The following RPH3AL variants were observed in gnomAD, a reference collection of about 807,000 sequenced individuals.
RPH3AL encodes rab effector Noc2.
Under a neutral mutation model 43.1 loss-of-function variants are expected in RPH3AL, and 38 were observed. The ratio of observed to expected loss-of-function variants is 0.88; its 90% CI spans 0.68 to 1.15. The LOEUF is 1.15. RPH3AL is among the 50% of genes most tolerant of loss of function. The pLI is 0.00. For missense variants in RPH3AL, 462 were observed against 423.2 expected, an observed-to-expected ratio of 1.09 and a Z score of -0.81; for synonymous variants, 189 against 176.3, an observed-to-expected ratio of 1.07 and a Z score of -0.57.
chr17:243,441 CCTTCCTCTATTGATTA>C (rs2041637904), intron 7 of RPH3AL, among the ~76,000 whole-genome samples: 2 of 139,646 alleles, frequency 1.4e-5, no homozygotes, highest in African/African-American at 5.4e-5. Flanking sequence ...CTATTGATTA[CCTTCCTCTATTGATTA>C]CCTTCCTCTA....
intron 1 of RPH3AL, among the ~76,000 whole-genome samples, chr17:350,923 C>T (rs550840684): frequency 6.6e-6 from 1 of 152,310 alleles, no homozygotes; most frequent in Admixed American, 6.5e-5. Flanking sequence ...GCACCCACTT[C>T]CCCGACAACA....
intron 6 of RPH3AL, among the ~76,000 whole-genome samples, chr17:265,861 G>C (rs2042307535): frequency 6.6e-6 from 1 of 152,182 alleles, no homozygotes; most frequent in South Asian, 2.1e-4. Context: ...CCTTGTGAGT[G>C]TTCACGCCTC....
chr17:253,776 C>G (rs868992664), intron 6 of RPH3AL, among the ~76,000 whole-genome samples: 3 of 72,092 alleles, frequency 4.2e-5, no homozygotes, highest in African/African-American at 1.4e-4. Flanking sequence ...TGAGGGGAGC[C>G]GCACGGCGTC....
At chr17:240,930 G>C (rs527802735) in intron 7 of RPH3AL, among the ~76,000 whole-genome samples, 1 of 151,908 alleles carries the variant, frequency 6.6e-6, no homozygotes, top group African/African-American at 2.4e-5. Flanking sequence ...TGTAGCGGGC[G>C]CCTGTAGTCC....
intron 7 of RPH3AL, among the ~76,000 whole-genome samples, chr17:237,237 A>G (rs1430960653): frequency 2.6e-5 from 4 of 152,232 alleles, no homozygotes; most frequent in African/African-American, 7.2e-5. Context: ...CACAGTTTGG[A>G]ATTTGTAAAA....
intron 6 of RPH3AL, chr17:261,593 C>T (rs2042195866): frequency 6.6e-6 from 1 of 152,214 alleles, no homozygotes; most frequent in African/African-American, 2.4e-5. Flanking sequence ...TATAAGGAAA[C>T]CAGACCCAGA....
At chr17:286,562 T>C (rs1383366445) in intron 5 of RPH3AL, among the ~76,000 whole-genome samples, 1 of 152,218 alleles carries the variant, frequency 6.6e-6, no homozygotes, top group Non-Finnish European at 1.5e-5. Context: ...CCTCTTCCAA[T>C]GGGCTCGGTC....
chr17:350,791 G>C (rs920869247), intron 1 of RPH3AL, among the ~76,000 whole-genome samples: 2 of 152,186 alleles, frequency 1.3e-5, no homozygotes, highest in Non-Finnish European at 2.9e-5. Context: ...CCCTGATGAT[G>C]GATGAAATCT....
At chr17:311,248 C>T (rs1397419099) in intron 5 of RPH3AL, among the ~76,000 whole-genome samples, 2 of 152,214 alleles carry the variant, frequency 1.3e-5, no homozygotes, top group African/African-American at 4.8e-5. Context: ...CTCCTCGGTC[C>T]ACTGTTCCTA....
intron 7 of RPH3AL, among the ~76,000 whole-genome samples, chr17:238,877 T>C (rs1257705930): frequency 2.0e-5 from 3 of 152,168 alleles, no homozygotes; most frequent in African/African-American, 7.2e-5. Context: ...ACACCTCATA[T>C]ACCACAGGGG....
In RPH3AL at chr17:323,118, G is replaced by A. The variant is rs1753084872; in HGVS notation, c.78-1703C>T. 6.6e-6 allele frequency among the ~76,000 whole-genome samples: 1 copy of A among 152,144 alleles called. No homozygotes were observed. The highest frequency in any genetic ancestry group is 6.5e-5 in the Admixed American group (1 of 15,278). On this transcript the variant is annotated intron_variant, in intron 3 of 9. Transcript: ENST00000331302. The surrounding 1 kb of genome is among the most constrained non-coding windows in gnomAD (Gnocchi z 4.4). ...TCAGGCATGGCTTTACCATGTGTGA[G>A]CTTTTGCAGGATGAACAGGTGCTTC...
At chr17:278,357 G>T (rs12936802) in intron 6 of RPH3AL, among the ~76,000 whole-genome samples, 50,432 of 151,920 alleles carry the variant, frequency 0.33, 8,878 homozygotes, top group Middle Eastern at 0.43. Flanking sequence ...CTTCCCTTTA[G>T]TACCCAGTCT....
intron 8 of RPH3AL, 30 bp downstream of exon 8, chr17:219,593 C>G: frequency 7.4e-7 from 1 of 1,344,624 alleles, no homozygotes; most frequent in Non-Finnish European, 1.0e-6. Flanking sequence ...CGTGCCCGGC[C>G]AATAAGCAGC....
intron 9 of RPH3AL, 49 bp from the exon 10 acceptor site, chr17:213,972 C>T (rs1315041295): frequency 9.1e-6 from 13 of 1,429,022 alleles, no homozygotes; most frequent in Non-Finnish European, 1.3e-5. Context: ...GGTGGAGTCC[C>T]TCCCTCCCCG....
intron 7 of RPH3AL, among the ~76,000 whole-genome samples, chr17:240,732 C>T (rs9891409): frequency 0.046 from 7,042 of 152,192 alleles, 549 homozygotes; most frequent in African/African-American, 0.16. Context: ...GGTTATAATA[C>T]TTCTGTGAAC....
Position 328,347 on chromosome 17 carries a change from C to T in RPH3AL, c.-36-768G>A, listed in dbSNP as rs897063243. On this transcript the variant is annotated intron_variant, in intron 2 of 9. Coordinates refer to ENST00000331302, the MANE Select transcript of RPH3AL (RefSeq NM_006987.4). The surrounding 1 kb of genome is among the most constrained non-coding windows in gnomAD (Gnocchi z 4.2). ...TTCTGAAGGGAGTGTGGGATGAGGCCGAGGGTATCTGAATCCCAGAGCAAG... is the reference window on the plus strand; with the variant it reads ...TTCTGAAGGGAGTGTGGGATGAGGCTGAGGGTATCTGAATCCCAGAGCAAG... Among the ~76,000 whole-genome samples the T allele has an allele frequency of 4.6e-5, 7 of 150,884 alleles. No homozygotes were observed. The South Asian group carries it at 6.3e-4, about 14-fold the overall frequency.
At chr17:261,412 G>T (rs2042192060) in intron 6 of RPH3AL, among the ~76,000 whole-genome samples, 1 of 152,220 alleles carries the variant, frequency 6.6e-6, no homozygotes, top group Admixed American at 6.5e-5. Flanking sequence ...CAGAAAGAGA[G>T]CCTTCACCAG....
intron 5 of RPH3AL, among the ~76,000 whole-genome samples, chr17:309,689 C>T (rs1458235152): frequency 1.4e-5 from 2 of 139,598 alleles, no homozygotes; most frequent in Middle Eastern, 3.6e-3. Flanking sequence ...GTCCCCTGCC[C>T]TGCCCCAGGC....
chr17:323,683 G>A lies in RPH3AL; in HGVS notation c.78-2268C>T, dbSNP rs2044540937. Among the ~76,000 whole-genome samples, 1 of 152,192 alleles carries A rather than the reference G, an allele frequency of 6.6e-6. No individual in the cohort carries two copies. The highest frequency in any genetic ancestry group is 1.5e-5 in the Non-Finnish European group (1 of 68,014). On this transcript the variant is annotated intron_variant, in intron 3 of 9. Transcript: ENST00000331302. This position sits in a 1 kb window ranked among gnomAD's most constrained non-coding sequence, Gnocchi z 4.4. ...CACAGAAGGAGGGACAGAAGCATCAGCACCGCCACCACTGCCTGTCCTGAT... is the reference window on the plus strand; with the variant it reads ...CACAGAAGGAGGGACAGAAGCATCAACACCGCCACCACTGCCTGTCCTGAT...
Sources: allele counts gnomAD v4.1 joint callset (sites outside exome capture counted in the v4.1 genomes callset), GRCh38; gene constraint gnomAD v4.1.1; non-coding constraint Gnocchi (gnomAD v3.1); transcripts MANE v1.5; gene names NCBI Gene and HGNC (gene_info 2026-07-23, HGNC 2026-07-21).